KCNB2: variants seen among roughly 807,000 people sequenced by gnomAD.
KCNB2 encodes the protein potassium voltage-gated channel subfamily B member 2.
KCNB2 carries 15 observed loss-of-function variants against 61.5 expected under a neutral mutation model. That is an observed-to-expected ratio of 0.24 (90% CI 0.16 to 0.38). The LOEUF is 0.38. Ranked by LOEUF, KCNB2 falls within the 10% of genes least tolerant of loss-of-function variation. The probability of loss-of-function intolerance (pLI) is 1.00; values close to 1 mark genes in which losing one functional copy is unlikely to be tolerated. For synonymous variants in KCNB2, 457 were observed against 446.0 expected, an observed-to-expected ratio of 1.02 and a Z score of -0.31; for missense variants, 828 against 1,125.2, an observed-to-expected ratio of 0.74 and a Z score of 3.78.
chr8:72,792,868 C>T (rs1434730614), intron 2 of KCNB2, among the ~76,000 whole-genome samples: 1 of 152,162 alleles, frequency 6.6e-6, no homozygotes, highest in Non-Finnish European at 1.5e-5. Flanking sequence ...ATCAATAGCA[C>T]TTATCAATAA....
At chr8:72,597,001 CTTTTTTTTTTTTTTTTTTTTTTT>C (rs869160203) in intron 2 of KCNB2, among the ~76,000 whole-genome samples, 960 of 64,664 alleles carry the variant, frequency 0.015, 20 homozygotes, top group African/African-American at 0.065. Flanking sequence ...TGCTTGCTTG[CTTTTTTTTTTTTTTTTTTTTTTT>C]TTTTTTTTTT....
At chr8:72,743,942 C>T (rs972919561) in intron 2 of KCNB2, among the ~76,000 whole-genome samples, 14 of 152,008 alleles carry the variant, frequency 9.2e-5, no homozygotes, top group African/African-American at 3.4e-4. Context: ...AATTCGGGAG[C>T]CCTAAGTCTT....
At chr8:72,925,540 GA>G (rs1394305448) in intron 2 of KCNB2, among the ~76,000 whole-genome samples, 1 of 152,104 alleles carries the variant, frequency 6.6e-6, no homozygotes, top group Non-Finnish European at 1.5e-5. Context: ...CATATGGAGA[GA>G]AAGCTCAACG....
chr8:72,659,265 G>A (rs554842487), intron 2 of KCNB2, among the ~76,000 whole-genome samples: 35 of 152,290 alleles, frequency 2.3e-4, no homozygotes, highest in Admixed American at 1.6e-3. Context: ...GGAAGTGACT[G>A]CAAATGTGGT....
intron 2 of KCNB2, 69 bp downstream of exon 2, chr8:72,568,382 T>C: frequency 7.6e-7 from 1 of 1,321,336 alleles, no homozygotes; most frequent in Non-Finnish European, 1.0e-6. Flanking sequence ...CTAGAGAGTA[T>C]AAGTTTTTTT....
chr8:72,860,704 A>G (rs1343202804), intron 2 of KCNB2, among the ~76,000 whole-genome samples: 1 of 152,224 alleles, frequency 6.6e-6, no homozygotes, highest in Non-Finnish European at 1.5e-5. Flanking sequence ...TTCTACCCCT[A>G]GCATAAGGAA....
intron 2 of KCNB2, among the ~76,000 whole-genome samples, chr8:72,725,593 A>ATATATATATATATATATATATGTATG: frequency 3.1e-5 from 1 of 32,450 alleles, no homozygotes; most frequent in East Asian, 1.1e-3. Flanking sequence ...ATATGTATGT[A>ATATATATATATATATATATATGTATG]TATATATATA....
intron 2 of KCNB2, among the ~76,000 whole-genome samples, chr8:72,775,972 T>C (rs1370056208): frequency 1.3e-5 from 2 of 152,126 alleles, no homozygotes; most frequent in Non-Finnish European, 2.9e-5. Context: ...TGCGGCACTA[T>C]TCACAATAGC....
chr8:72,837,797 C>T (rs952171742), intron 2 of KCNB2, among the ~76,000 whole-genome samples: 2 of 150,186 alleles, frequency 1.3e-5, no homozygotes, highest in Non-Finnish European at 3.0e-5. Flanking sequence ...TTTTCAGGCA[C>T]TTTAAAGTAC....
intron 2 of KCNB2, among the ~76,000 whole-genome samples, chr8:72,630,178 T>C (rs924788792): frequency 3.3e-5 from 5 of 152,216 alleles, no homozygotes; most frequent in Admixed American, 1.3e-4. Context: ...TGGTGGTATT[T>C]ACACTGTAGA....
chr8:72,671,891 T>C (rs1272425303), intron 2 of KCNB2, among the ~76,000 whole-genome samples: 1 of 152,168 alleles, frequency 6.6e-6, no homozygotes, highest in Non-Finnish European at 1.5e-5. Context: ...ATCTTTTGAG[T>C]TGTAACTGTC....
At chr8:72,825,686 T>C (rs912427575) in intron 2 of KCNB2, among the ~76,000 whole-genome samples, 2 of 152,254 alleles carry the variant, frequency 1.3e-5, no homozygotes, top group East Asian at 3.8e-4. Context: ...TGGCCATTTG[T>C]ATATCTTCTT....
chr8:72,574,970 G>A (rs1192503380), intron 2 of KCNB2, among the ~76,000 whole-genome samples: 2 of 152,126 alleles, frequency 1.3e-5, no homozygotes, highest in African/African-American at 4.8e-5. Context: ...TTTTGATTAG[G>A]TGTTCTTATC....
At position 72,936,250 on chromosome 8, in the gene KCNB2, G is replaced by C. The variant is rs1806901816; in HGVS notation, c.895G>C (p.Val299Leu). 1.2e-6 allele frequency: 2 copies of C among 1,614,240 alleles called. No homozygotes were observed. The highest frequency in any genetic ancestry group is 2.7e-5 in the African/African-American group (2 of 75,080). ...GCTGCAGTTCCAAAACGTGAGGCGC[G>C]TGGTCCAGATCTTCCGAATCATGCG... ...SVLQFQNVRR[V>L]VQIFRIMRIL... is the part of the protein sequence containing the mutation. The change falls in exon 3 of 3, where the codon GTG (valine) becomes CTG (leucine). Residue 299 changes from valine (V) to leucine (L), a missense_variant. Coordinates refer to ENST00000523207, the MANE Select transcript of KCNB2 (RefSeq NM_004770.3). This position sits in a 1 kb window ranked among gnomAD's most constrained non-coding sequence, Gnocchi z 5.6.
At chr8:72,892,497 G>A (rs1043917190) in intron 2 of KCNB2, among the ~76,000 whole-genome samples, 1 of 152,142 alleles carries the variant, frequency 6.6e-6, no homozygotes, top group Non-Finnish European at 1.5e-5. Flanking sequence ...AGGGTAATTT[G>A]CTAGGCATCC....
intron 2 of KCNB2, among the ~76,000 whole-genome samples, chr8:72,676,328 C>A (rs911330742): frequency 1.6e-4 from 24 of 151,890 alleles, no homozygotes; most frequent in African/African-American, 5.6e-4. Context: ...AATTGTTGTA[C>A]CTCTGTTCTG....
At chr8:72,768,953 G>A (rs1338154968) in intron 2 of KCNB2, among the ~76,000 whole-genome samples, 1 of 152,066 alleles carries the variant, frequency 6.6e-6, no homozygotes, top group Non-Finnish European at 1.5e-5. Context: ...CTGAGGTTGG[G>A]AGTTCAAGAC....
chr8:72,688,560 A>G (rs886750488), intron 2 of KCNB2, among the ~76,000 whole-genome samples: 3 of 152,062 alleles, frequency 2.0e-5, no homozygotes, highest in African/African-American at 4.8e-5. Context: ...CCACTGCACC[A>G]TAAGTTTCTT....
intron 2 of KCNB2, among the ~76,000 whole-genome samples, chr8:72,600,616 A>T (rs1206504375): frequency 6.6e-6 from 1 of 151,970 alleles, no homozygotes; most frequent in Non-Finnish European, 1.5e-5. Context: ...TAAAAAAAAA[A>T]GAAAATGTGG....
Sources: allele counts gnomAD v4.1 joint callset (sites outside exome capture counted in the v4.1 genomes callset), GRCh38; gene constraint gnomAD v4.1.1; non-coding constraint Gnocchi (gnomAD v3.1); transcripts MANE v1.5; gene names NCBI Gene and HGNC (gene_info 2026-07-23, HGNC 2026-07-21).